NTRK3: variants seen among roughly 807,000 people sequenced by gnomAD.
NTRK3 encodes neurotrophic receptor tyrosine kinase 3.
In NTRK3, 24 loss-of-function variants were observed where a neutral mutation model predicts 91.7. The ratio of observed to expected loss-of-function variants is 0.26; its 90% CI spans 0.19 to 0.37. The LOEUF is 0.37. Among genes scored for constraint, NTRK3 ranks in the 10% least tolerant of loss-of-function variants. NTRK3 has a pLI of 1.00. For synonymous variants in NTRK3, 483 were observed against 404.0 expected, an observed-to-expected ratio of 1.20 and a Z score of -2.34; for missense variants, 880 against 1,068.9, an observed-to-expected ratio of 0.82 and a Z score of 2.46.
At chr15:88,147,557 G>T (rs1567527276) in intron 5 of NTRK3, among the ~76,000 whole-genome samples, 154 bp from the exon 6 acceptor site, 1 of 144,676 alleles carries the variant, frequency 6.9e-6, no homozygotes, top group African/African-American at 2.6e-5. Context: ...TCTTCTTCAT[G>T]CTGTTAGGCT....
intron 17 of NTRK3, chr15:87,908,537 GAACGGGCCCTT>G (rs2066904617): frequency 2.5e-6 from 1 of 399,330 alleles, no homozygotes. Context: ...ACACCACACT[GAACGGGCCCTT>G]CTGGCATGGC....
rs540506036 is a variant in NTRK3 at position 87,877,339 on chromosome 15, C to A, written c.2293-219G>T. Among the ~76,000 whole-genome samples, 3 of 152,252 alleles carry A rather than the reference C, an allele frequency of 2.0e-5. No individual in the cohort carries two copies. The East Asian group carries it at 5.8e-4, about 30-fold the overall frequency. On this transcript the variant is annotated intron_variant, in intron 18 of 18. Transcript: ENST00000394480. ...CAGTGGCTGGTGGAGTCCTCTGCTG[C>A]CCTTCATACTCCACTTCTTGGGCCA...
chr15:87,994,473 A>C (rs1443424304), intron 14 of NTRK3, among the ~76,000 whole-genome samples: 1 of 152,198 alleles, frequency 6.6e-6, no homozygotes, highest in Non-Finnish European at 1.5e-5. Context: ...CAAGCCAACA[A>C]ATGTCCAAAA....
chr15:87,901,730 T>A (rs2066463865), intron 17 of NTRK3, among the ~76,000 whole-genome samples: 1 of 144,026 alleles, frequency 6.9e-6, no homozygotes, highest in African/African-American at 2.7e-5. Flanking sequence ...AGCATTGTAT[T>A]GAGAAAGGAA....
chr15:88,147,228 G>T, intron 6 of NTRK3, 107 bp downstream of exon 6: 1 of 1,026,250 alleles, frequency 9.7e-7, no homozygotes, highest in South Asian at 1.3e-5. Flanking sequence ...TAGGCTCTTC[G>T]AGTAGATGTA....
At chr15:88,226,804 CA>C (rs1183571012) in intron 3 of NTRK3, among the ~76,000 whole-genome samples, 5 of 152,232 alleles carry the variant, frequency 3.3e-5, no homozygotes, top group Non-Finnish European at 7.3e-5. Flanking sequence ...TGTACCAGGC[CA>C]AGTGTTTTGC....
At chr15:88,244,572 C>T (rs982267174) in intron 3 of NTRK3, among the ~76,000 whole-genome samples, 1 of 150,570 alleles carries the variant, frequency 6.6e-6, no homozygotes, top group Non-Finnish European at 1.5e-5. Context: ...TGGGAAAAAA[C>T]CAAGTGGGGC....
At chr15:87,890,481 G>A (rs1010510720) in intron 17 of NTRK3, among the ~76,000 whole-genome samples, 6 of 151,794 alleles carry the variant, frequency 4.0e-5, no homozygotes, top group Non-Finnish European at 8.8e-5. Flanking sequence ...CTAGTTATTA[G>A]AATAATGAAT....
intron 5 of NTRK3, among the ~76,000 whole-genome samples, chr15:88,161,936 G>A (rs941730073): frequency 6.6e-6 from 1 of 152,202 alleles, no homozygotes; most frequent in Non-Finnish European, 1.5e-5. Flanking sequence ...CTGCCCTCCA[G>A]CTGCTGAGGA....
rs1442845750 is a variant in NTRK3 at position 88,233,233 on chromosome 15, C to T, written c.248+22673G>A. ...TAGAGCACATTGCCAATAAATAACC[C>T]CCCCGCCCCCAGTGTAATCTCTCAG... On this transcript the variant is annotated intron_variant, in intron 3 of 18. Transcript: ENST00000394480. This position sits in a 1 kb window ranked among gnomAD's most constrained non-coding sequence, Gnocchi z 4.2. Among the ~76,000 whole-genome samples the T allele has an allele frequency of 2.6e-5, 4 of 152,144 alleles. No individual in the cohort carries two copies. The South Asian group carries it at 8.3e-4, about 32-fold the overall frequency.
chr15:88,221,879 A>T (rs2050265257), intron 3 of NTRK3, among the ~76,000 whole-genome samples: 1 of 152,162 alleles, frequency 6.6e-6, no homozygotes, highest in Non-Finnish European at 1.5e-5. Context: ...AAATTACAGG[A>T]TTGTTTGGTC....
intron 6 of NTRK3, among the ~76,000 whole-genome samples, chr15:88,142,299 C>T (rs1297448452): frequency 2.0e-5 from 3 of 152,248 alleles, no homozygotes; most frequent in Admixed American, 6.5e-5. Flanking sequence ...TGCAGGCAGT[C>T]GCATTAATAA....
At chr15:88,137,920 G>T (rs776008667) in intron 6 of NTRK3, among the ~76,000 whole-genome samples, 1 of 151,732 alleles carries the variant, frequency 6.6e-6, no homozygotes, top group African/African-American at 2.4e-5. Context: ...GCGTGGTGGC[G>T]CACGCCTGTA....
At chr15:87,945,744 G>A (rs886510561) in intron 14 of NTRK3, among the ~76,000 whole-genome samples, 2 of 151,366 alleles carry the variant, frequency 1.3e-5, no homozygotes, top group Non-Finnish European at 2.9e-5. Context: ...CTGCGACCAG[G>A]GAGGAAGAGG....
At chr15:87,923,972 A>G (rs892068222) in intron 17 of NTRK3, among the ~76,000 whole-genome samples, 2 of 152,178 alleles carry the variant, frequency 1.3e-5, no homozygotes, top group African/African-American at 4.8e-5. Flanking sequence ...AGCCTCCAGA[A>G]CCATAAGAAA....
chr15:87,893,143 T>G (rs1455770237), intron 17 of NTRK3, among the ~76,000 whole-genome samples: 3 of 152,212 alleles, frequency 2.0e-5, no homozygotes, highest in African/African-American at 7.2e-5. Flanking sequence ...GAGCATTTAA[T>G]GGTGCAAAGT....
chr15:88,023,561 A>C (rs575746619), intron 14 of NTRK3, among the ~76,000 whole-genome samples: 1 of 152,220 alleles, frequency 6.6e-6, no homozygotes, highest in Non-Finnish European at 1.5e-5. Context: ...GATTCATCTT[A>C]TGGTTCCCCT....
chr15:88,160,492 G>C (rs74506905), intron 5 of NTRK3, among the ~76,000 whole-genome samples: 2,262 of 152,304 alleles, frequency 0.015, 40 homozygotes, highest in African/African-American at 0.051. Flanking sequence ...AGAAGAGTGG[G>C]GGCTTTGCTG....
chr15:88,006,947 T>C (rs1241089259), intron 14 of NTRK3, among the ~76,000 whole-genome samples: 1 of 152,022 alleles, frequency 6.6e-6, no homozygotes, highest in East Asian at 1.9e-4. Flanking sequence ...CTGAGACCCA[T>C]CTCAGGAGAG....
Sources: allele counts gnomAD v4.1 joint callset (sites outside exome capture counted in the v4.1 genomes callset), GRCh38; gene constraint gnomAD v4.1.1; non-coding constraint Gnocchi (gnomAD v3.1); transcripts MANE v1.5; gene names NCBI Gene and HGNC (gene_info 2026-07-23, HGNC 2026-07-21).